PDE7B: variants seen among roughly 807,000 people sequenced by gnomAD.
PDE7B encodes phosphodiesterase 7B.
PDE7B carries 29 observed loss-of-function variants against 56.2 expected under a neutral mutation model. That is an observed-to-expected ratio of 0.52 (90% CI 0.38 to 0.70). PDE7B has a LOEUF of 0.70. PDE7B is among the 30% of genes least tolerant of loss of function. The pLI, the probability that PDE7B is intolerant of heterozygous loss-of-function variation, is 0.00. For synonymous variants in PDE7B, 197 were observed against 196.9 expected (o/e 1.00, Z 0.00); for missense variants, 490 against 565.0 (o/e 0.87, Z 1.35).
rs35760757 is a variant in PDE7B at position 135,915,090 on chromosome 6, TA to T, written c.22-32361del. On this transcript the variant is annotated intron_variant, in intron 1 of 12. Transcript: ENST00000308191. ...CCTGGGCTACAGAGCGAGACTCCATTAAAAAAAAAAAAAGGATTTATTCCTA... is the reference window on the plus strand; with the variant it reads ...CCTGGGCTACAGAGCGAGACTCCATTAAAAAAAAAAAAGGATTTATTCCTA... Among the ~76,000 whole-genome samples, 1,220 of 142,026 alleles carry T rather than the reference TA, an allele frequency of 8.6e-3. 6 individuals carry two copies. Among genetic ancestry groups the T allele is most frequent in the African/African-American group, 0.015 (584 of 39,330 alleles). 93.2% of individuals were successfully genotyped at this position (142,026 alleles called of 152,430 possible). A position where few individuals can be genotyped will look rare whatever the true frequency, so the allele number is the denominator to read the frequency against.
intron 3 of PDE7B, among the ~76,000 whole-genome samples, chr6:136,116,379 CA>C (rs1205675056): frequency 1.3e-5 from 2 of 151,978 alleles, no homozygotes; most frequent in Non-Finnish European, 2.9e-5. Flanking sequence ...GAGAATTTTG[CA>C]AAAAAGGTGA....
intron 2 of PDE7B, among the ~76,000 whole-genome samples, chr6:135,948,787 C>T (rs138908248): frequency 0.015 from 2,290 of 151,678 alleles, 29 homozygotes; most frequent in Non-Finnish European, 0.023. Flanking sequence ...ATCCAATATT[C>T]CTTCCCCTTG....
chr6:135,956,552 G>A (rs1309017308), intron 2 of PDE7B, among the ~76,000 whole-genome samples: 1 of 152,136 alleles, frequency 6.6e-6, no homozygotes, highest in Non-Finnish European at 1.5e-5. Context: ...GCCAAGGCAG[G>A]CAGATCACTT....
rs141090559 is a variant in PDE7B, at chr6:135,991,201, G to A, written c.82+43677G>A. On this transcript the variant is annotated intron_variant, in intron 2 of 12. Transcript: ENST00000308191. Reference sequence around the variant, plus strand: ...CAGCAAGGTTTTTGACCTGTATCTCGTGCCAACATCCTATCTCATCCTGTA... The same window carrying A: ...CAGCAAGGTTTTTGACCTGTATCTCATGCCAACATCCTATCTCATCCTGTA... 2.1e-3 allele frequency among the ~76,000 whole-genome samples: 312 copies of A among 152,064 alleles called. 1 individual carries two copies. The highest frequency in any genetic ancestry group is 7.2e-3 in the African/African-American group (299 of 41,484).
chr6:135,906,829 T>TTTGTTTTTTTTTTTTGTTG (rs1562434155), intron 1 of PDE7B, among the ~76,000 whole-genome samples: 1 of 142,604 alleles, frequency 7.0e-6, no homozygotes, highest in African/African-American at 2.8e-5. Context: ...TTTTTTTTTT[T>TTTGTTTTTTTTTTTTGTTG]TTTTTTTAAT....
intron 2 of PDE7B, among the ~76,000 whole-genome samples, chr6:135,950,909 G>A (rs944759359): frequency 7.7e-4 from 117 of 152,036 alleles, no homozygotes; most frequent in African/African-American, 2.5e-3. Context: ...AATTCACCTC[G>A]AGTTACTCTG....
intron 1 of PDE7B, among the ~76,000 whole-genome samples, chr6:135,897,786 G>A (rs774320470): frequency 1.7e-4 from 26 of 152,106 alleles, no homozygotes; most frequent in Admixed American, 5.9e-4. Context: ...ACCAGTATTC[G>A]TTCACAGTGG....
At chr6:136,079,914 C>G (rs1287054597) in intron 2 of PDE7B, among the ~76,000 whole-genome samples, 1 of 151,858 alleles carries the variant, frequency 6.6e-6, no homozygotes, top group Non-Finnish European at 1.5e-5. Context: ...TAGATTGGGA[C>G]CCATCCTACG....
intron 1 of PDE7B, among the ~76,000 whole-genome samples, chr6:135,933,193 A>G (rs1337075811): frequency 2.0e-5 from 3 of 152,236 alleles, no homozygotes; most frequent in Non-Finnish European, 4.4e-5. Context: ...AACATAGTGC[A>G]CTACAAAGCA....
intron 2 of PDE7B, among the ~76,000 whole-genome samples, chr6:136,107,561 C>T (rs1248274370): frequency 6.6e-6 from 1 of 152,154 alleles, no homozygotes; most frequent in Non-Finnish European, 1.5e-5. Context: ...TAGAAGGAAG[C>T]AAACCAGCAT....
chr6:135,934,832 A>T (rs28651720), intron 1 of PDE7B, among the ~76,000 whole-genome samples: 30 of 110,324 alleles, frequency 2.7e-4, no homozygotes, highest in Non-Finnish European at 4.4e-4. Flanking sequence ...TTAATAAATA[A>T]ATATATATAT....
chr6:136,189,328 T>C (rs955914075), intron 12 of PDE7B, among the ~76,000 whole-genome samples: 3 of 152,178 alleles, frequency 2.0e-5, no homozygotes, highest in South Asian at 2.1e-4. Flanking sequence ...CTTTGGGAGG[T>C]TGAGGCGGGC....
chr6:135,867,480 T>C (rs564230842), intron 1 of PDE7B, among the ~76,000 whole-genome samples: 1 of 152,274 alleles, frequency 6.6e-6, no homozygotes, highest in South Asian at 2.1e-4. Context: ...GTTTGTTATG[T>C]AGGGAAACGT....
At chr6:136,100,649 C>A (rs1362101573) in intron 2 of PDE7B, among the ~76,000 whole-genome samples, 2 of 152,054 alleles carry the variant, frequency 1.3e-5, no homozygotes, top group Non-Finnish European at 2.9e-5. Flanking sequence ...AGTTGCTTAT[C>A]AGCTTAAGGA....
At chr6:135,920,871 G>C (rs1025560584) in intron 1 of PDE7B, among the ~76,000 whole-genome samples, 2 of 152,296 alleles carry the variant, frequency 1.3e-5, no homozygotes, top group Non-Finnish European at 2.9e-5. Flanking sequence ...AGCTTCATCA[G>C]TAAGTGCTGG....
intron 2 of PDE7B, among the ~76,000 whole-genome samples, chr6:136,031,592 A>G (rs1776247247): frequency 6.6e-6 from 1 of 151,532 alleles, no homozygotes; most frequent in Admixed American, 6.6e-5. Context: ...ACAAAAAATT[A>G]GCCGGGCGTA....
chr6:136,191,575 A>G (rs776497183), intron 12 of PDE7B, 39 bp from the exon 13 acceptor site: 2 of 1,560,626 alleles, frequency 1.3e-6, no homozygotes, highest in Non-Finnish European at 1.8e-6. Flanking sequence ...AGCGGGTTTC[A>G]CCACGCTGTG....
chr6:136,046,757 T>G (rs1199546388), intron 2 of PDE7B, among the ~76,000 whole-genome samples: 1 of 152,190 alleles, frequency 6.6e-6, no homozygotes, highest in Non-Finnish European at 1.5e-5. Context: ...GACCCACCTC[T>G]TAATATATTA....
chr6:135,940,276 T>C (rs193227238), intron 1 of PDE7B, among the ~76,000 whole-genome samples: 1 of 152,312 alleles, frequency 6.6e-6, no homozygotes, highest in East Asian at 1.9e-4. Context: ...TGCGGTCATG[T>C]CTTTCAAAGC....
Sources: gnomAD v4.1 joint callset for allele counts (sites outside exome capture counted in the v4.1 genomes callset) on GRCh38, gnomAD v4.1.1 for gene constraint, MANE v1.5 for transcripts, NCBI Gene and HGNC (gene_info 2026-07-23, HGNC 2026-07-21) for gene names.